DNAAF1: variants seen among roughly 807,000 people sequenced by gnomAD.
DNAAF1 encodes dynein axonemal assembly factor 1.
In DNAAF1, 65 loss-of-function variants were observed where a neutral mutation model predicts 71.1. The ratio of observed to expected loss-of-function variants is 0.91; its 90% CI spans 0.75 to 1.12. DNAAF1 has a LOEUF of 1.12. Among genes scored for constraint, DNAAF1 ranks in the 50% most tolerant of loss-of-function variants. The pLI is 0.00. For missense variants in DNAAF1, 1,178 were observed against 899.8 expected (o/e 1.31, Z -3.96); for synonymous variants, 414 against 354.6 (o/e 1.17, Z -1.88).
intron 9 of DNAAF1, chr16:84,172,775 C>G (rs2088435001): frequency 1.8e-6 from 2 of 1,106,884 alleles, no homozygotes; most frequent in Non-Finnish European, 2.2e-6. Context: ...TATCTTTATA[C>G]ATTGTATCTT....
intron 9 of DNAAF1, chr16:84,173,275 A>G: frequency 2.4e-6 from 2 of 817,632 alleles, no homozygotes; most frequent in Non-Finnish European, 3.0e-6. Context: ...CATCCTGGCT[A>G]ACATGGTGAA....
chr16:84,152,906 G>A lies in DNAAF1; in HGVS notation c.353-1671G>A, dbSNP rs147676663. ...CAGGAGGTGTAGGTTACAGTGAGCC[G>A]AGATTGTGCAATTGCACTCCAGCCT... On this transcript the variant is annotated intron_variant, in intron 3 of 11. Transcript: ENST00000378553. Among the ~76,000 whole-genome samples, 892 of 151,220 alleles carry A rather than the reference G, an allele frequency of 5.9e-3. 5 individuals are homozygous for A. The highest frequency in any genetic ancestry group is 0.021 in the African/African-American group (842 of 41,056).
intron 5 of DNAAF1, among the ~76,000 whole-genome samples, chr16:84,156,971 G>C (rs2087467943): frequency 6.7e-6 from 1 of 148,976 alleles, no homozygotes; most frequent in Admixed American, 6.7e-5. Flanking sequence ...TCCCACCTTA[G>C]CCTCACAAGT....
At chr16:84,169,774 T>G in intron 7 of DNAAF1, 85 bp from the exon 8 acceptor site, 1 of 1,583,766 alleles carries the variant, frequency 6.3e-7, no homozygotes, top group Non-Finnish European at 8.7e-7. Context: ...GTCTCAGAAG[T>G]TTGCTGTGAG....
intron 5 of DNAAF1, among the ~76,000 whole-genome samples, chr16:84,157,422 C>G (rs894354251): frequency 2.0e-5 from 3 of 150,124 alleles, no homozygotes; most frequent in Admixed American, 6.7e-5. Context: ...ACTTGGGAGG[C>G]TGAGGCATGA....
chr16:84,168,868 C>T (rs1016764277), intron 7 of DNAAF1, among the ~76,000 whole-genome samples: 1 of 85,184 alleles, frequency 1.2e-5, no homozygotes, highest in African/African-American at 3.4e-5. Context: ...TTTGCTTTTC[C>T]CCTGAACCAT....
chr16:84,172,878 T>A, intron 9 of DNAAF1: 1 of 1,014,650 alleles, frequency 9.9e-7, no homozygotes, highest in African/African-American at 1.7e-5. Flanking sequence ...TCCCATCCCC[T>A]TGAGTGAATG....
chr16:84,161,020 TG>T (rs1291876798), intron 6 of DNAAF1, among the ~76,000 whole-genome samples: 2 of 151,372 alleles, frequency 1.3e-5, no homozygotes, highest in East Asian at 3.9e-4. Flanking sequence ...GCCCCAGGTC[TG>T]GGGGTGGTAA....
intron 7 of DNAAF1, among the ~76,000 whole-genome samples, chr16:84,168,699 C>G (rs2088153542): frequency 6.6e-6 from 1 of 152,074 alleles, no homozygotes; most frequent in African/African-American, 2.4e-5. Context: ...ATTGTCTTTT[C>G]CTAACTTTTT....
At position 84,150,285 on chromosome 16, in the gene DNAAF1, C is replaced by A; in HGVS notation, c.295C>A (p.Gln99Lys). 6.2e-7 allele frequency: 1 copy of A among 1,613,978 alleles called. No homozygotes were observed. Among genetic ancestry groups the A allele is most frequent in the Non-Finnish European group, 8.5e-7 (1 of 1,179,860 alleles). The change falls in exon 3 of 12, where the codon CAG becomes AAG. Residue 99 changes from glutamine to lysine, a missense_variant. Gln to Lys is a moderately conservative substitution (Grantham distance 53). Coordinates refer to ENST00000378553, the MANE Select transcript of DNAAF1 (RefSeq NM_178452.6). ...TKSSLQKLCK[Q>K]HKLYITPALN... Reference sequence around the variant, plus strand: ...AAGTTCCCTGCAAAAACTCTGCAAGCAGCACAAGCTTTATATTACCCCAGC... The same window carrying A: ...AAGTTCCCTGCAAAAACTCTGCAAGAAGCACAAGCTTTATATTACCCCAGC...
Position 84,174,538 on chromosome 16 carries a change from C to T in DNAAF1, c.1645-131C>T, listed in dbSNP as rs3803642. On this transcript the variant is annotated intron_variant, in intron 9 of 11. Transcript: ENST00000378553. The stretch of plus-strand genomic sequence containing the variant: ...TTCCTTTTGGTGGGGAACAGGCAGG[C>T]GAGTCACCTGAGTGATTTGAGTAAC... 8.9e-6 allele frequency: 14 copies of T among 1,566,984 alleles called. No homozygotes were observed. The African/African-American group carries it at 1.5e-4, about 17-fold the overall frequency.
At chr16:84,149,421 G>A (rs1259632169) in intron 2 of DNAAF1, among the ~76,000 whole-genome samples, 2 of 152,194 alleles carry the variant, frequency 1.3e-5, no homozygotes, top group Non-Finnish European at 2.9e-5. Flanking sequence ...GCCGGGCGCA[G>A]TGGCTCATGC....
intron 1 of DNAAF1, among the ~76,000 whole-genome samples, chr16:84,146,532 C>G (rs2086919539): frequency 6.6e-6 from 1 of 152,118 alleles, no homozygotes. Flanking sequence ...GTCTGGCCAA[C>G]ATATTGAAAC....
chr16:84,159,804 G>A lies in DNAAF1; in HGVS notation c.863+8G>A, dbSNP rs553865821. ...AGTGTTTCCAAAGGACAGGTAAGAA[G>A]AGAAAAGCCTTCTGATCACATTTTA... is the stretch of plus-strand genomic sequence containing the variant. On this transcript the variant is annotated splice_region_variant and intron_variant, in intron 6 of 11. Coordinates refer to ENST00000378553, the MANE Select transcript of DNAAF1 (RefSeq NM_178452.6). The A allele has an allele frequency of 1.4e-5, 23 of 1,613,414 alleles. No individual in the cohort carries two copies. In the South Asian group the frequency reaches 2.1e-4, roughly 15 times the overall value.
intron 3 of DNAAF1, among the ~76,000 whole-genome samples, chr16:84,151,840 C>G (rs183751590): frequency 6.6e-6 from 1 of 152,238 alleles, no homozygotes; most frequent in East Asian, 1.9e-4. Context: ...GCCTTAATTT[C>G]TCACCACATG....
intron 3 of DNAAF1, among the ~76,000 whole-genome samples, chr16:84,151,471 G>A (rs1234188204): frequency 6.6e-6 from 1 of 152,202 alleles, no homozygotes; most frequent in South Asian, 2.1e-4. Context: ...AGATGATGTA[G>A]GAGGACAGAC....
chr16:84,162,929 C>G (rs1292589078), intron 6 of DNAAF1, among the ~76,000 whole-genome samples: 2 of 152,164 alleles, frequency 1.3e-5, no homozygotes, highest in Admixed American at 6.5e-5. Context: ...TTGATTTGCT[C>G]GTTCTGGACA....
chr16:84,150,411 C>G, intron 3 of DNAAF1, 69 bp downstream of exon 3: 4 of 1,211,922 alleles, frequency 3.3e-6, no homozygotes, highest in Non-Finnish European at 4.9e-6. Flanking sequence ...TAAAAAATTA[C>G]TTGCAGGGAT....
chr16:84,154,151 T>G (rs1483351526), intron 3 of DNAAF1, among the ~76,000 whole-genome samples: 2 of 152,158 alleles, frequency 1.3e-5, no homozygotes, highest in African/African-American at 4.8e-5. Flanking sequence ...CGTTTTGAGC[T>G]GCTGTAACAA....
Sources: gnomAD v4.1 joint callset for allele counts (sites outside exome capture counted in the v4.1 genomes callset) on GRCh38, gnomAD v4.1.1 for gene constraint, MANE v1.5 for transcripts, NCBI Gene and HGNC (gene_info 2026-07-23, HGNC 2026-07-21) for gene names.